Variants in STIM1 observed in about 807,000 individuals in gnomAD.
The protein encoded by STIM1 is stromal interaction molecule 1.
In STIM1, 25 loss-of-function variants were observed where a neutral mutation model predicts 74.7. The observed-to-expected ratio is 0.33, with a 90% CI of 0.24 to 0.47. STIM1 has a LOEUF of 0.47. Ranked by LOEUF, STIM1 falls within the 20% of genes least tolerant of loss-of-function variation. The probability of loss-of-function intolerance (pLI) is 1.00; values close to 1 mark genes in which losing one functional copy is unlikely to be tolerated. For missense variants in STIM1, 728 were observed against 920.8 expected (o/e 0.79, Z 2.71); for synonymous variants, 328 against 348.8 (o/e 0.94, Z 0.66).
Position 3,994,212 on chromosome 11 carries a change from G to A in STIM1, c.270+26530G>A, listed in dbSNP as rs116921135. ...TGTCTTCTGGCATCCATTATTTTTGGTGAGAAGTTAACTGTTAATCTTACT... is the reference window on the plus strand; with the variant it reads ...TGTCTTCTGGCATCCATTATTTTTGATGAGAAGTTAACTGTTAATCTTACT... On this transcript the variant is annotated intron_variant, in intron 2 of 12. Coordinates refer to ENST00000526596, the MANE Select transcript of STIM1 (RefSeq NM_001382567.1). Among the ~76,000 whole-genome samples the A allele has an allele frequency of 8.6e-4, 131 of 152,198 alleles. 1 individual carries two copies. The highest frequency in any genetic ancestry group is 5.4e-4 in the Non-Finnish European group (37 of 68,012).
intron 10 of STIM1, 178 bp downstream of exon 10, chr11:4,083,676 T>A (rs562159303): frequency 1.1e-5 from 7 of 661,806 alleles, no homozygotes; most frequent in Non-Finnish European, 1.8e-5. Context: ...GTTGTCCTTT[T>A]GGTGTTCTTT....
At chr11:3,960,395 T>A (rs1278801438) in intron 1 of STIM1, among the ~76,000 whole-genome samples, 1 of 152,244 alleles carries the variant, frequency 6.6e-6, no homozygotes, top group Admixed American at 6.5e-5. Flanking sequence ...AAAGCTTTTC[T>A]GATGAAATCA....
intron 1 of STIM1, among the ~76,000 whole-genome samples, chr11:3,957,880 T>C (rs778942310): frequency 6.6e-6 from 1 of 152,102 alleles, no homozygotes; most frequent in Admixed American, 6.5e-5. Flanking sequence ...ATTAATTTTT[T>C]TTTTTAGACG....
chr11:3,892,396 G>A, intron 1 of STIM1: 1 of 1,431,002 alleles, frequency 7.0e-7, no homozygotes. Flanking sequence ...AACTTATTAA[G>A]AGTTGTCCAC....
intron 6 of STIM1, 30 bp from the exon 7 acceptor site, chr11:4,074,472 C>T (rs2094425306): frequency 6.2e-7 from 1 of 1,612,424 alleles, no homozygotes; most frequent in Non-Finnish European, 8.5e-7. Flanking sequence ...CTTGCCTGGC[C>T]TCCTCCAGCT....
chr11:4,002,919 C>G (rs796997127), intron 2 of STIM1, among the ~76,000 whole-genome samples: 1 of 135,310 alleles, frequency 7.4e-6, no homozygotes, highest in Non-Finnish European at 1.6e-5. Flanking sequence ...ACCACCTATC[C>G]CACAGAAATA....
Position 3,879,421 on chromosome 11 carries a change from T to A in STIM1, c.139+23012T>A, listed in dbSNP as rs1211412678. ...TGTACCATATAATTTGTCACCTAATTATCTACTGTTTCACTTTCTGTTGGT... is the reference window on the plus strand; with the variant it reads ...TGTACCATATAATTTGTCACCTAATAATCTACTGTTTCACTTTCTGTTGGT... On this transcript the variant is annotated intron_variant, in intron 1 of 12. Transcript: ENST00000526596. Among the ~76,000 whole-genome samples the A allele has an allele frequency of 2.6e-5, 4 of 152,228 alleles. No individual in the cohort carries two copies. In the East Asian group the frequency reaches 7.7e-4, roughly 29 times the overall value.
At chr11:4,085,016 G>T (rs1055562224) in intron 11 of STIM1, among the ~76,000 whole-genome samples, 1 of 151,970 alleles carries the variant, frequency 6.6e-6, no homozygotes, top group Non-Finnish European at 1.5e-5. Flanking sequence ...AGCTGTGCAG[G>T]TAACCTGGTA....
At chr11:3,971,472 T>C (rs113061500) in intron 2 of STIM1, among the ~76,000 whole-genome samples, 6,866 of 152,026 alleles carry the variant, frequency 0.045, 495 homozygotes, top group African/African-American at 0.15. Context: ...GAGCTTGCAG[T>C]GAGCCGAGAT....
intron 1 of STIM1, among the ~76,000 whole-genome samples, chr11:3,954,846 T>A (rs908876601): frequency 1.3e-5 from 2 of 152,350 alleles, no homozygotes; most frequent in Middle Eastern, 3.4e-3. Flanking sequence ...TGGCAGTTAC[T>A]TGAAATGTTA....
intron 2 of STIM1, among the ~76,000 whole-genome samples, chr11:3,999,917 G>A (rs1003319513): frequency 6.6e-5 from 10 of 152,242 alleles, no homozygotes; most frequent in Admixed American, 3.3e-4. Flanking sequence ...AGGAAATGGC[G>A]CACCAGGAGA....
chr11:4,024,535 C>T (rs1466897057), intron 3 of STIM1, among the ~76,000 whole-genome samples: 1 of 152,198 alleles, frequency 6.6e-6, no homozygotes, highest in East Asian at 1.9e-4. Context: ...CAGCCTCCTT[C>T]TTGTCTTGAT....
At chr11:3,902,839 G>A (rs528856962) in intron 1 of STIM1, among the ~76,000 whole-genome samples, 12 of 152,302 alleles carry the variant, frequency 7.9e-5, no homozygotes, top group African/African-American at 2.9e-4. Flanking sequence ...GAGGAGCTGG[G>A]CAGATTGCAA....
chr11:4,009,322 T>A (rs928890473), intron 2 of STIM1, among the ~76,000 whole-genome samples: 2 of 145,302 alleles, frequency 1.4e-5, no homozygotes, highest in Non-Finnish European at 3.0e-5. Flanking sequence ...CATTTTAAAA[T>A]TAATTTGTGG....
Position 3,895,774 on chromosome 11 carries a change from TCC to T in STIM1, c.139+39366_139+39367del, listed in dbSNP as rs1565105509. Among the ~76,000 whole-genome samples, 39 of 87,670 alleles carry T rather than the reference TCC, an allele frequency of 4.4e-4. 5 individuals carry two copies. Among genetic ancestry groups the T allele is most frequent in the African/African-American group, 2.6e-3 (36 of 14,068 alleles). The allele number at this position is 87,670 out of a possible 152,430, so 57.5% of individuals were successfully genotyped here. On this transcript the variant is annotated intron_variant, in intron 1 of 12. Coordinates refer to ENST00000526596, the MANE Select transcript of STIM1 (RefSeq NM_001382567.1). ...TTCCTTCCTTCCTTCCTTCCTTCCTTCCTTCCTTCCTTCCTTCCTTCCTTCCT... is the reference window on the plus strand; with the variant it reads ...TTCCTTCCTTCCTTCCTTCCTTCCTTTTCCTTCCTTCCTTCCTTCCTTCCT...
At chr11:4,038,764 C>G (rs574638041) in intron 3 of STIM1, among the ~76,000 whole-genome samples, 14 of 152,262 alleles carry the variant, frequency 9.2e-5, no homozygotes, top group African/African-American at 3.4e-4. Context: ...TTATTCTTGG[C>G]CCAGCCTAGC....
At chr11:4,011,744 T>C (rs966094247) in intron 2 of STIM1, among the ~76,000 whole-genome samples, 1 of 152,192 alleles carries the variant, frequency 6.6e-6, no homozygotes, top group Non-Finnish European at 1.5e-5. Context: ...CCCATTTGTC[T>C]GTTTTGGCTT....
At chr11:4,022,281 A>G (rs2093961944) in intron 2 of STIM1, among the ~76,000 whole-genome samples, 1 of 148,322 alleles carries the variant, frequency 6.7e-6, no homozygotes, top group Non-Finnish European at 1.5e-5. Context: ...GGTTGCAGTC[A>G]GCTGAGATCA....
At position 3,867,842 on chromosome 11, in the gene STIM1, TGGCAGGCA is replaced by T. The variant is rs989812350; in HGVS notation, c.139+11454_139+11461del. ...CCTAGGTAATGACCAGAAATCTCAC[TGGCAGGCA>T]GGCAGGCAGGCAGGCAGGCAAGCAG... On this transcript the variant is annotated intron_variant, in intron 1 of 12. Transcript: ENST00000526596. Among the ~76,000 whole-genome samples the T allele has an allele frequency of 9.8e-3, 1,283 of 130,864 alleles. 17 individuals carry two copies. Among genetic ancestry groups the T allele is most frequent in the African/African-American group, 0.032 (1,156 of 36,440 alleles). The allele number at this position is 130,864 out of a possible 152,430, so 85.9% of individuals were successfully genotyped here.
Sources: allele counts gnomAD v4.1 joint callset (sites outside exome capture counted in the v4.1 genomes callset), GRCh38; gene constraint gnomAD v4.1.1; transcripts MANE v1.5; gene names NCBI Gene and HGNC (gene_info 2026-07-23, HGNC 2026-07-21).